SLC25A28: variants seen among roughly 807,000 people sequenced by gnomAD.
The protein encoded by SLC25A28 is mitoferrin-2.
A neutral mutation model predicts 31.9 loss-of-function variants in SLC25A28; 10 were observed. The observed-to-expected ratio is 0.31, with a 90% confidence interval of 0.19 to 0.53. The LOEUF is 0.53. Ranked by LOEUF, SLC25A28 falls within the 20% of genes least tolerant of loss-of-function variation. SLC25A28 has a pLI of 0.95. For missense variants in SLC25A28, 256 were observed against 490.3 expected (o/e 0.52, Z 4.51); for synonymous variants, 208 against 203.6 (o/e 1.02, Z -0.19).
intron 1 of SLC25A28, chr10:99,615,974 A>G (rs1324794161): frequency 1.3e-5 from 13 of 985,326 alleles, no homozygotes; most frequent in Non-Finnish European, 1.6e-5. Context: ...CTATATACAC[A>G]TCTAAATCTA....
the SLC25A28 span, among the ~76,000 whole-genome samples, chr10:99,636,447 G>A: frequency 2.0e-5 from 3 of 152,094 alleles, no homozygotes; most frequent in Admixed American, 6.6e-5. Context: ...CTATCGAAAC[G>A]TCTGGGATAC....
At chr10:99,624,818 G>C (rs2034853988), upstream of SLC25A28, among the ~76,000 whole-genome samples, 1 of 152,164 alleles carries the variant, frequency 6.6e-6, no homozygotes, top group African/African-American at 2.4e-5. Context: ...CTGGGTGATA[G>C]AGTGAGACCC....
At chr10:99,637,828 C>T in the SLC25A28 span, among the ~76,000 whole-genome samples, 1 of 152,296 alleles carries the variant, frequency 6.6e-6, no homozygotes, top group East Asian at 1.9e-4. Flanking sequence ...ACATCCCATG[C>T]TCATGGATGG....
chr10:99,623,761 T>A (rs2034832943), upstream of SLC25A28, among the ~76,000 whole-genome samples: 1 of 152,186 alleles, frequency 6.6e-6, no homozygotes, highest in Non-Finnish European at 1.5e-5. Flanking sequence ...TAGTGATTGT[T>A]CAAATGGTGG....
the SLC25A28 span, among the ~76,000 whole-genome samples, chr10:99,643,401 T>C: frequency 6.6e-6 from 1 of 152,232 alleles, no homozygotes; most frequent in Admixed American, 6.5e-5. Context: ...TTCTGTGGGA[T>C]CGGTGGTGAT....
upstream of SLC25A28, chr10:99,620,589 T>C (rs2034769543): frequency 4.0e-6 from 4 of 1,009,232 alleles, no homozygotes; most frequent in Non-Finnish European, 4.7e-6. Flanking sequence ...CCCTGAGGCG[T>C]TGCTAGCGCC....
the SLC25A28 span, among the ~76,000 whole-genome samples, chr10:99,631,875 G>GTTTT: frequency 7.2e-4 from 66 of 92,000 alleles, no homozygotes; most frequent in African/African-American, 2.0e-3. Context: ...CGCTCAGTAT[G>GTTTT]TTATTTTTTT....
chr10:99,645,717 G>T, the SLC25A28 span, among the ~76,000 whole-genome samples: 1 of 152,264 alleles, frequency 6.6e-6, no homozygotes, highest in East Asian at 1.9e-4. Context: ...TTTTGATGAT[G>T]GTGACGTACA....
upstream of SLC25A28, among the ~76,000 whole-genome samples, chr10:99,623,995 G>A (rs147527316): frequency 6.6e-6 from 1 of 152,300 alleles, no homozygotes; most frequent in Non-Finnish European, 1.5e-5. Flanking sequence ...GCAGACTGCA[G>A]TTCTGTAGGT....
chr10:99,634,436 GC>G, the SLC25A28 span, among the ~76,000 whole-genome samples: 18 of 148,574 alleles, frequency 1.2e-4, no homozygotes, highest in East Asian at 2.9e-3. Context: ...CGAGGAAATA[GC>G]ATAAAAAAAA....
chr10:99,614,045 C>T, intron 1 of SLC25A28, 121 bp from the exon 2 acceptor site: 1 of 1,211,732 alleles, frequency 8.3e-7, no homozygotes, highest in Middle Eastern at 2.8e-4. Flanking sequence ...ATCTGGCTTT[C>T]AGCTTATTTC....
intron 1 of SLC25A28, chr10:99,618,547 CTTT>C (rs2034708869): frequency 1.0e-6 from 1 of 985,330 alleles, no homozygotes; most frequent in Non-Finnish European, 1.2e-6. Flanking sequence ...ATGTGTGCAT[CTTT>C]TTTATTTATA....
chr10:99,623,619 C>G (rs543567194), upstream of SLC25A28, among the ~76,000 whole-genome samples: 3 of 152,196 alleles, frequency 2.0e-5, no homozygotes, highest in Non-Finnish European at 4.4e-5. Flanking sequence ...TATTTTGATT[C>G]TCCTCCTTCC....
the SLC25A28 span, among the ~76,000 whole-genome samples, chr10:99,638,550 G>A: frequency 6.6e-6 from 1 of 152,058 alleles, no homozygotes; most frequent in Non-Finnish European, 1.5e-5. Flanking sequence ...TCTGACAAAG[G>A]ACTAATATCC....
At chr10:99,618,647 A>T in intron 1 of SLC25A28, 1 of 985,432 alleles carries the variant, frequency 1.0e-6, no homozygotes, top group Non-Finnish European at 1.2e-6. Context: ...GACATTTAAC[A>T]TTCTAATGTC....
chr10:99,617,352 TAA>T (rs1384905848), intron 1 of SLC25A28: 1 of 985,332 alleles, frequency 1.0e-6, no homozygotes, highest in African/African-American at 1.7e-5. Context: ...CAAGGATATT[TAA>T]AGTCAACTTG....
At chr10:99,657,853 A>C in the SLC25A28 span, among the ~76,000 whole-genome samples, 1 of 152,276 alleles carries the variant, frequency 6.6e-6, no homozygotes, top group African/African-American at 2.4e-5. Context: ...AATACCCTCA[A>C]GTCAGAGTAT....
chr10:99,617,613 A>T, intron 1 of SLC25A28: 1 of 985,454 alleles, frequency 1.0e-6, no homozygotes, highest in Non-Finnish European at 1.2e-6. Flanking sequence ...TGCCTGCACA[A>T]AAGTGTTTAA....
the SLC25A28 span, among the ~76,000 whole-genome samples, chr10:99,649,667 T>C: frequency 6.6e-6 from 1 of 152,236 alleles, no homozygotes; most frequent in Non-Finnish European, 1.5e-5. Context: ...AGGAGTTCTG[T>C]TTCTTCCTAG....
Sources: gnomAD v4.1 joint callset for allele counts (sites outside exome capture counted in the v4.1 genomes callset) on GRCh38, gnomAD v4.1.1 for gene constraint, MANE v1.5 for transcripts, NCBI Gene and HGNC (gene_info 2026-07-23, HGNC 2026-07-21) for gene names.